The following SCTR variants were observed in gnomAD, a reference collection of about 807,000 sequenced individuals.
The protein encoded by SCTR is secretin receptor, also known as pancreatic secretin receptor.
A neutral mutation model predicts 60.8 loss-of-function variants in SCTR; 56 were observed. The ratio of observed to expected loss-of-function variants is 0.92; its 90% CI spans 0.74 to 1.15. The LOEUF (loss-of-function observed/expected upper bound fraction) is 1.15, where lower values mean the gene tolerates loss of function less well. SCTR is among the 50% of genes most tolerant of loss of function. The pLI, the probability that SCTR is intolerant of heterozygous loss-of-function variation, is 0.00. For missense variants in SCTR, 562 were observed against 550.4 expected (o/e 1.02, Z -0.21); for synonymous variants, 202 against 217.0 (o/e 0.93, Z 0.61).
At chr2:119,515,326 G>T (rs148881188) in intron 1 of SCTR, among the ~76,000 whole-genome samples, 36 of 152,344 alleles carry the variant, frequency 2.4e-4, no homozygotes, top group Admixed American at 1.6e-3. Context: ...CTAGGAGATG[G>T]CTCTACCATT....
chr2:119,493,877 G>A (rs1678241169), intron 2 of SCTR, among the ~76,000 whole-genome samples: 1 of 152,066 alleles, frequency 6.6e-6, no homozygotes, highest in African/African-American at 2.4e-5. Flanking sequence ...CTGACCTCAG[G>A]TGATCCACTC....
chr2:119,444,211 A>ACACATATACG (rs1682775825), intron 11 of SCTR, among the ~76,000 whole-genome samples: 1 of 145,928 alleles, frequency 6.9e-6, no homozygotes, highest in African/African-American at 2.6e-5. Flanking sequence ...GTATATATAC[A>ACACATATACG]TATGAATATA....
At chr2:119,444,269 AT>A (rs1682785770) in intron 11 of SCTR, among the ~76,000 whole-genome samples, 1 of 106,008 alleles carries the variant, frequency 9.4e-6, no homozygotes, top group Non-Finnish European at 2.2e-5. Context: ...GAATATATAC[AT>A]ATATACATAT....
intron 3 of SCTR, among the ~76,000 whole-genome samples, chr2:119,475,671 T>A (rs1452673901): frequency 5.4e-5 from 8 of 147,556 alleles, no homozygotes; most frequent in African/African-American, 2.0e-4. Flanking sequence ...TTTATATTTA[T>A]ATTTGTATTA....
chr2:119,453,400 C>T, intron 7 of SCTR, 53 bp from the exon 8 acceptor site: 1 of 1,375,894 alleles, frequency 7.3e-7, no homozygotes, highest in East Asian at 2.3e-5. Context: ...CAATTTTCAA[C>T]ACACATATCA....
intron 4 of SCTR, among the ~76,000 whole-genome samples, chr2:119,472,034 G>A (rs1677038492): frequency 6.6e-6 from 1 of 152,184 alleles, no homozygotes; most frequent in Admixed American, 6.5e-5. Context: ...CTGGGCACTG[G>A]GGCCTGGAAA....
At chr2:119,489,342 G>A (rs4499437) in intron 2 of SCTR, among the ~76,000 whole-genome samples, 2 of 152,178 alleles carry the variant, frequency 1.3e-5, no homozygotes, top group South Asian at 4.1e-4. Context: ...CTTGGGGCCA[G>A]CTGTCTTTTG....
chr2:119,461,707 A>C, intron 7 of SCTR, 140 bp downstream of exon 7: 1 of 638,342 alleles, frequency 1.6e-6, no homozygotes, highest in Non-Finnish European at 2.4e-6. Flanking sequence ...GCAAAACTCC[A>C]ACTCAAAAAA....
intron 10 of SCTR, among the ~76,000 whole-genome samples, chr2:119,447,267 A>G (rs1682969897): frequency 6.6e-6 from 1 of 152,148 alleles, no homozygotes; most frequent in Non-Finnish European, 1.5e-5. Context: ...ATCTGTAGGG[A>G]CAAATTCTTG....
At chr2:119,464,632 C>G (rs1200793879) in intron 5 of SCTR, among the ~76,000 whole-genome samples, 2 of 152,150 alleles carry the variant, frequency 1.3e-5, no homozygotes, top group Non-Finnish European at 2.9e-5. Flanking sequence ...GCCTGTATTC[C>G]TTGTACAAGA....
chr2:119,441,517 AG>A, intron 12 of SCTR, 40 bp downstream of exon 12: 1 of 1,548,938 alleles, frequency 6.5e-7, no homozygotes, highest in African/African-American at 1.4e-5. Context: ...ACCAATGGCT[AG>A]GAGCTCTCCT....
At chr2:119,468,267 A>G (rs1683920860) in intron 4 of SCTR, among the ~76,000 whole-genome samples, 1 of 152,248 alleles carries the variant, frequency 6.6e-6, no homozygotes, top group African/African-American at 2.4e-5. Context: ...AGAATAGAAT[A>G]GGGGAAACCT....
chr2:119,450,819 A>G (rs1683134410), intron 9 of SCTR, among the ~76,000 whole-genome samples: 1 of 152,112 alleles, frequency 6.6e-6, no homozygotes, highest in Non-Finnish European at 1.5e-5. Flanking sequence ...AAAATTAGCT[A>G]GGCGTGGTGG....
At chr2:119,469,250 A>ATC (rs1243079497) in intron 4 of SCTR, among the ~76,000 whole-genome samples, 1 of 152,168 alleles carries the variant, frequency 6.6e-6, no homozygotes, top group Non-Finnish European at 1.5e-5. Context: ...AGAGGGTGTC[A>ATC]GCCTCACTCC....
chr2:119,476,101 A>G (rs770174398), intron 3 of SCTR, among the ~76,000 whole-genome samples: 1 of 151,948 alleles, frequency 6.6e-6, no homozygotes, highest in Non-Finnish European at 1.5e-5. Context: ...GAATTAATTT[A>G]TTTTCCAGAG....
chr2:119,456,942 G>C (rs1244748855), intron 7 of SCTR, among the ~76,000 whole-genome samples: 1 of 152,200 alleles, frequency 6.6e-6, no homozygotes, highest in Non-Finnish European at 1.5e-5. Flanking sequence ...CAGAAGGTAG[G>C]AAAGAGATAT....
At chr2:119,520,152 T>C (rs901703190) in intron 1 of SCTR, among the ~76,000 whole-genome samples, 1 of 152,038 alleles carries the variant, frequency 6.6e-6, no homozygotes, top group African/African-American at 2.4e-5. Context: ...CTAGAAAGTG[T>C]TTTTCCAGGT....
rs369680284 is a variant in SCTR, at chr2:119,481,925, G to A, written c.194-3007C>T. 9.2e-5 allele frequency among the ~76,000 whole-genome samples: 14 copies of A among 152,304 alleles called. No homozygotes were observed. In the East Asian group the frequency reaches 2.5e-3, roughly 27 times the overall value. On this transcript the variant is annotated intron_variant, in intron 2 of 12. Transcript: ENST00000019103. ...CCAGCTCTGGTGCTGTGCTGATGGG[G>A]AGGAGCCCTGTGCGTCCCACACTTG...
intron 4 of SCTR, among the ~76,000 whole-genome samples, chr2:119,472,792 C>A (rs531372974): frequency 6.6e-6 from 1 of 152,266 alleles, no homozygotes; most frequent in East Asian, 1.9e-4. Context: ...TAGGCACGCA[C>A]CACCACGCTC....
Sources: allele counts gnomAD v4.1 joint callset (sites outside exome capture counted in the v4.1 genomes callset), GRCh38; gene constraint gnomAD v4.1.1; transcripts MANE v1.5; gene names NCBI Gene and HGNC (gene_info 2026-07-23, HGNC 2026-07-21).